The following POLR3G variants were observed in gnomAD, a reference collection of about 807,000 sequenced individuals.
The protein encoded by POLR3G is DNA-directed RNA polymerase III subunit RPC7.
A neutral mutation model predicts 30.1 loss-of-function variants in POLR3G; 28 were observed. That is an observed-to-expected ratio of 0.93 (90% CI 0.69 to 1.27). The LOEUF (loss-of-function observed/expected upper bound fraction) is 1.27, where lower values mean the gene tolerates loss of function less well. Among genes scored for constraint, POLR3G ranks in the 50% most tolerant of loss-of-function variants. The pLI is 0.00. For missense variants in POLR3G, 254 were observed against 264.6 expected, an observed-to-expected ratio of 0.96 and a Z score of 0.28; for synonymous variants, 79 against 82.5, an observed-to-expected ratio of 0.96 and a Z score of 0.23.
intron 5 of POLR3G, among the ~76,000 whole-genome samples, 187 bp from the exon 6 acceptor site, chr5:90,501,719 A>G (rs575231224): frequency 6.6e-6 from 1 of 152,322 alleles, no homozygotes; most frequent in African/African-American, 2.4e-5. Context: ...ATTATCATTT[A>G]TTCATCATCA....
upstream of POLR3G, chr5:90,474,619 T>G: frequency 2.9e-6 from 1 of 349,916 alleles, no homozygotes. Context: ...TGCAGCAGAA[T>G]GGAGACTCAG....
chr5:90,488,052 T>C lies in POLR3G; in HGVS notation c.170T>C (p.Met57Thr). ...AAAACAGGAGAAGGTGAAGAATATA[T>C]GCTGGCTTTGAAACAGGAGTTGAGA... The part of the protein sequence containing the change: ...PLKTGEGEEY[M>T]LALKQELRET... Residue 57 changes from methionine to threonine, a missense_variant, in exon 3 of 8, where the codon ATG becomes ACG. Physicochemically the swap from Met to Thr is moderately conservative, Grantham distance 81. Coordinates refer to ENST00000651687, the MANE Select transcript of POLR3G (RefSeq NM_006467.3). 6.2e-7 allele frequency: 1 copy of C among 1,612,058 alleles called. No homozygotes were observed.
chr5:90,494,417 A>G (rs915788987), intron 3 of POLR3G, among the ~76,000 whole-genome samples: 1 of 152,356 alleles, frequency 6.6e-6, no homozygotes, highest in East Asian at 1.9e-4. Flanking sequence ...TATTGGGTAT[A>G]TACATAGGAT....
intron 1 of POLR3G, among the ~76,000 whole-genome samples, chr5:90,480,417 A>AT (rs1230955082): frequency 6.6e-6 from 1 of 152,232 alleles, no homozygotes; most frequent in Non-Finnish European, 1.5e-5. Context: ...CCACATAATT[A>AT]TTAAATGTGT....
At chr5:90,477,915 C>T (rs1272681130) in intron 1 of POLR3G, among the ~76,000 whole-genome samples, 2 of 152,178 alleles carry the variant, frequency 1.3e-5, no homozygotes, top group East Asian at 1.9e-4. Flanking sequence ...ACTTGGTGTA[C>T]ACCCTATGTA....
chr5:90,474,264 T>C, upstream of POLR3G: 1 of 1,613,506 alleles, frequency 6.2e-7, no homozygotes, highest in South Asian at 1.1e-5. Flanking sequence ...GCCTAGAGAC[T>C]TGTGGGCGTA....
At chr5:90,508,724 T>G (rs1218295882) in intron 7 of POLR3G, among the ~76,000 whole-genome samples, 4 of 152,156 alleles carry the variant, frequency 2.6e-5, no homozygotes, top group Non-Finnish European at 5.9e-5. Flanking sequence ...TTTATGTCAC[T>G]TAACTTTTTT....
intron 3 of POLR3G, among the ~76,000 whole-genome samples, chr5:90,491,293 A>G (rs1456046989): frequency 1.3e-5 from 2 of 152,238 alleles, no homozygotes; most frequent in African/African-American, 2.4e-5. Flanking sequence ...TAGCTATAAG[A>G]GATCGTCTAG....
chr5:90,483,143 C>A (rs1343764542), intron 1 of POLR3G, among the ~76,000 whole-genome samples: 139 of 101,502 alleles, frequency 1.4e-3, no homozygotes, highest in South Asian at 2.2e-3. Context: ...TCCTCCGTCT[C>A]AAAAAAAAAA....
At chr5:90,476,778 A>G (rs981888017) in intron 1 of POLR3G, among the ~76,000 whole-genome samples, 4 of 152,176 alleles carry the variant, frequency 2.6e-5, no homozygotes, top group Non-Finnish European at 5.9e-5. Context: ...AATTCTCTAC[A>G]TGGCTCTTTG....
intron 7 of POLR3G, among the ~76,000 whole-genome samples, chr5:90,507,080 T>TA (rs1268389073): frequency 2.0e-5 from 3 of 152,236 alleles, no homozygotes; most frequent in Non-Finnish European, 4.4e-5. Flanking sequence ...TGCATGTGGA[T>TA]ACTATCAGAG....
chr5:90,488,158 G>A (rs374618223), intron 3 of POLR3G, 29 bp downstream of exon 3: 2 of 1,560,806 alleles, frequency 1.3e-6, no homozygotes, highest in South Asian at 1.3e-5. Flanking sequence ...TGATTATGTG[G>A]CTTAATGTAT....
chr5:90,489,125 C>G (rs898997482), intron 3 of POLR3G, among the ~76,000 whole-genome samples: 5 of 152,032 alleles, frequency 3.3e-5, no homozygotes, highest in Non-Finnish European at 7.4e-5. Flanking sequence ...AAAAAGGAAG[C>G]CTTATGTAAT....
At chr5:90,505,956 C>G (rs550152900) in intron 6 of POLR3G, among the ~76,000 whole-genome samples, 1 of 152,204 alleles carries the variant, frequency 6.6e-6, no homozygotes, top group South Asian at 2.1e-4. Flanking sequence ...GATAGACCAC[C>G]AGGTACTGTG....
At chr5:90,474,218 C>T (rs770266561), upstream of POLR3G, 3 of 1,613,038 alleles carry the variant, frequency 1.9e-6, no homozygotes, top group South Asian at 1.1e-5. Flanking sequence ...GGTTGCCCGA[C>T]TCGTAGAAAC....
At chr5:90,493,636 T>TA (rs1291214233) in intron 3 of POLR3G, among the ~76,000 whole-genome samples, 2 of 150,518 alleles carry the variant, frequency 1.3e-5, no homozygotes, top group Non-Finnish European at 3.0e-5. Context: ...CAGTGACTTT[T>TA]AATATAGCCA....
At chr5:90,502,611 C>T (rs745507567) in intron 6 of POLR3G, among the ~76,000 whole-genome samples, 1 of 152,024 alleles carries the variant, frequency 6.6e-6, no homozygotes, top group Non-Finnish European at 1.5e-5. Flanking sequence ...ATCCAGTTCC[C>T]TTCCTATAGA....
At chr5:90,478,509 G>A (rs1474621365) in intron 1 of POLR3G, among the ~76,000 whole-genome samples, 1 of 148,830 alleles carries the variant, frequency 6.7e-6, no homozygotes, top group African/African-American at 2.5e-5. Context: ...AGGTAATCAA[G>A]TAACCGCTTA....
At chr5:90,494,061 C>A (rs1429764434) in intron 3 of POLR3G, among the ~76,000 whole-genome samples, 1 of 151,956 alleles carries the variant, frequency 6.6e-6, no homozygotes, top group African/African-American at 2.4e-5. Flanking sequence ...AAATTCTGTA[C>A]CCTTTAGTAG....
Sources: allele counts gnomAD v4.1 joint callset (sites outside exome capture counted in the v4.1 genomes callset), GRCh38; gene constraint gnomAD v4.1.1; transcripts MANE v1.5; gene names NCBI Gene and HGNC (gene_info 2026-07-23, HGNC 2026-07-21).